The following SPMIP11 variants were observed in gnomAD, a reference collection of about 807,000 sequenced individuals.
The protein encoded by SPMIP11 is long intergenic non-protein coding RNA 935.
the SPMIP11 span, among the ~76,000 whole-genome samples, chr12:48,733,013 A>C: frequency 1.3e-5 from 2 of 151,934 alleles, no homozygotes; most frequent in South Asian, 4.2e-4. Context: ...AACAAGAGCA[A>C]AACTCCATCT....
the SPMIP11 span, among the ~76,000 whole-genome samples, chr12:48,742,548 A>G: frequency 6.6e-6 from 1 of 151,890 alleles, no homozygotes; most frequent in Non-Finnish European, 1.5e-5. Context: ...CCAAGGTGCT[A>G]GGATTACAGG....
chr12:48,759,669 CAAAA>C, the SPMIP11 span, among the ~76,000 whole-genome samples: 51 of 78,978 alleles, frequency 6.5e-4, no homozygotes, highest in African/African-American at 5.5e-4. Flanking sequence ...CACTTTGTCT[CAAAA>C]AAAAAAAAAA....
chr12:48,769,087 C>T, the SPMIP11 span: 55 of 1,591,548 alleles, frequency 3.5e-5, no homozygotes, highest in Non-Finnish European at 4.5e-5. Flanking sequence ...CAGCAAGAGA[C>T]TAGTGGATGC....
chr12:48,765,531 T>C, the SPMIP11 span: 1 of 699,424 alleles, frequency 1.4e-6, no homozygotes, highest in Non-Finnish European at 2.6e-6. Flanking sequence ...GCCCAGCCTC[T>C]TGGGAGCTAT....
the SPMIP11 span, among the ~76,000 whole-genome samples, chr12:48,758,935 T>C: frequency 6.6e-5 from 10 of 152,192 alleles, 1 homozygote; most frequent in Non-Finnish European, 1.2e-4. Context: ...TAACCCTAAG[T>C]ATGTGTCCAA....
chr12:48,744,321 G>T, the SPMIP11 span, among the ~76,000 whole-genome samples: 10 of 151,594 alleles, frequency 6.6e-5, no homozygotes, highest in Non-Finnish European at 1.2e-4. Context: ...CATGAGAATC[G>T]CTTGAAACCA....
chr12:48,731,564 T>C, the SPMIP11 span, among the ~76,000 whole-genome samples: 1 of 152,088 alleles, frequency 6.6e-6, no homozygotes, highest in Non-Finnish European at 1.5e-5. Flanking sequence ...TGGCGCTAAA[T>C]GGTAACTTTG....
chr12:48,735,074 C>T, the SPMIP11 span, among the ~76,000 whole-genome samples: 72 of 150,150 alleles, frequency 4.8e-4, no homozygotes, highest in Non-Finnish European at 7.5e-4. Flanking sequence ...GGAATGCAAG[C>T]GGCCTTTAGG....
chr12:48,727,704 T>C, the SPMIP11 span: 3 of 596,476 alleles, frequency 5.0e-6, no homozygotes, highest in South Asian at 4.1e-5. Flanking sequence ...AATTGTGGAA[T>C]AGGGACAATA....
the SPMIP11 span, among the ~76,000 whole-genome samples, chr12:48,747,558 T>C: frequency 6.6e-6 from 1 of 152,238 alleles, no homozygotes; most frequent in Non-Finnish European, 1.5e-5. Flanking sequence ...AGCTATGCAC[T>C]GTGCCCATCA....
At chr12:48,737,483 C>T in the SPMIP11 span, among the ~76,000 whole-genome samples, 205 of 147,124 alleles carry the variant, frequency 1.4e-3, 2 homozygotes, top group African/African-American at 4.9e-3. Flanking sequence ...GGCGTGATCT[C>T]GGCTCACAAC....
At chr12:48,762,206 C>T in the SPMIP11 span, among the ~76,000 whole-genome samples, 1 of 148,808 alleles carries the variant, frequency 6.7e-6, no homozygotes, top group Admixed American at 6.7e-5. Flanking sequence ...CTACAGGCGC[C>T]TGCCACCATG....
the SPMIP11 span, among the ~76,000 whole-genome samples, chr12:48,730,019 T>C: frequency 6.6e-6 from 1 of 152,094 alleles, no homozygotes; most frequent in African/African-American, 2.4e-5. Context: ...ATTTCCCTTT[T>C]TCCAGGCCAA....
At chr12:48,729,172 C>A in the SPMIP11 span, among the ~76,000 whole-genome samples, 1 of 151,770 alleles carries the variant, frequency 6.6e-6, no homozygotes, top group Admixed American at 6.6e-5. Context: ...GAGACTGAGG[C>A]GGGCAGATCA....
chr12:48,762,356 CTTTTTTTTT>C, the SPMIP11 span, among the ~76,000 whole-genome samples: 3 of 61,220 alleles, frequency 4.9e-5, no homozygotes, highest in African/African-American at 9.8e-5. Flanking sequence ...CCCCGCCCAG[CTTTTTTTTT>C]TTTTTTTTTT....
the SPMIP11 span, chr12:48,759,145 C>G: frequency 4.3e-6 from 3 of 693,960 alleles, no homozygotes; most frequent in African/African-American, 3.5e-5. Context: ...GCATGGAGAC[C>G]AGGGAATCAG....
At chr12:48,740,408 G>A in the SPMIP11 span, among the ~76,000 whole-genome samples, 1 of 151,544 alleles carries the variant, frequency 6.6e-6, no homozygotes, top group Non-Finnish European at 1.5e-5. Context: ...ATCAAATTCA[G>A]CAAATCTTAA....
the SPMIP11 span, among the ~76,000 whole-genome samples, chr12:48,752,734 C>T: frequency 7.0e-6 from 1 of 142,544 alleles, no homozygotes; most frequent in Non-Finnish European, 1.5e-5. Context: ...TACAGTGGGG[C>T]GATCTCGGCT....
At chr12:48,743,247 A>AG in the SPMIP11 span, among the ~76,000 whole-genome samples, 1 of 150,518 alleles carries the variant, frequency 6.6e-6, no homozygotes, top group Non-Finnish European at 1.5e-5. Context: ...AAAAAAAAAA[A>AG]GTCAGGCGTG....
Sources: allele counts gnomAD v4.1 joint callset (sites outside exome capture counted in the v4.1 genomes callset), GRCh38; gene constraint gnomAD v4.1.1; transcripts MANE v1.5; gene names NCBI Gene and HGNC (gene_info 2026-07-23, HGNC 2026-07-21).